MAFG: variants seen among roughly 807,000 people sequenced by gnomAD.
MAFG encodes MAF bZIP transcription factor G, also known as transcription factor MafG.
MAFG carries 3 observed loss-of-function variants against 12.2 expected under a neutral mutation model. The observed-to-expected ratio is 0.25, with a 90% confidence interval of 0.11 to 0.64. The LOEUF (loss-of-function observed/expected upper bound fraction) is 0.64, where lower values mean the gene tolerates loss of function less well. MAFG is among the 30% of genes least tolerant of loss of function. The pLI, the probability that MAFG is intolerant of heterozygous loss-of-function variation, is 0.85. For synonymous variants in MAFG, 126 were observed against 109.1 expected, an observed-to-expected ratio of 1.15 and a Z score of -0.96; for missense variants, 153 against 235.5, an observed-to-expected ratio of 0.65 and a Z score of 2.29.
In MAFG at chr17:81,926,781, A is replaced by T. The variant is rs114739248; in HGVS notation, c.-30+747T>A. On this transcript the variant is annotated intron_variant, in intron 1 of 2. Coordinates refer to ENST00000357736, the MANE Select transcript of MAFG (RefSeq NM_002359.4). This position sits in a 1 kb window ranked among gnomAD's most constrained non-coding sequence, Gnocchi z 4.6. ...GCGAGCCACCCCCACTTCCTCTTCA[A>T]GCACCCCTGCCTTCAACTGGATCGC... Among the ~76,000 whole-genome samples the T allele has an allele frequency of 0.02, 2,968 of 152,028 alleles. 94 individuals carry two copies. Among genetic ancestry groups the T allele is most frequent in the African/African-American group, 0.068 (2,803 of 41,460 alleles).
chr17:81,919,613 T>C lies in MAFG; in HGVS notation c.*2992A>G, dbSNP rs1175147051. ...CGGACAAGTTTGAGAGACCTGGCCT[T>C]GGCCAAAGCCCTCGATTCGCTGTGT... On this transcript the variant is annotated 3_prime_UTR_variant, in exon 3 of 3. Coordinates refer to ENST00000357736, the MANE Select transcript of MAFG (RefSeq NM_002359.4). The C allele has an allele frequency of 6.6e-6, 1 of 152,276 alleles. No homozygotes were observed. The highest frequency in any genetic ancestry group is 1.5e-5 in the Non-Finnish European group (1 of 68,064). 9.4% of individuals were successfully genotyped at this position (152,276 alleles called of 1,614,324 possible).
In MAFG at chr17:81,922,692, G is replaced by A. The variant is rs903135890; in HGVS notation, c.402C>T (p.Ala134=). The change falls in exon 3 of 3, where the codon GCC becomes GCT. Residue 134 remains alanine (A), a synonymous_variant. Coordinates refer to ENST00000357736, the MANE Select transcript of MAFG (RefSeq NM_002359.4). Reference sequence around the variant, plus strand: ...CTGGGACGAGGGGCCCCAGGCCGGCGGCAAGGGGGCCCCGGGCTGGCGCCA... The same window carrying A: ...CTGGGACGAGGGGCCCCAGGCCGGCAGCAAGGGGGCCCCGGGCTGGCGCCA... ...SPVAPARGPL[A]AGLGPLVPGK... is the part of the protein sequence containing the mutation. 5.3e-6 allele frequency: 8 copies of A among 1,509,336 alleles called. No homozygotes were observed. Among genetic ancestry groups the A allele is most frequent in the East Asian group, 4.7e-5 (2 of 42,548 alleles). 93.5% of individuals were successfully genotyped at this position (1,509,336 alleles called of 1,614,324 possible). A position where few individuals can be genotyped will look rare whatever the true frequency, so the allele number is the denominator to read the frequency against.
In MAFG at chr17:81,924,254, T is replaced by C. The variant is rs186011330; in HGVS notation, c.-29-1040A>G. Reference sequence around the variant, plus strand: ...GGCCAGGGAGCAAAAACAAAAGTGCTGGGGTGGCCGGACTTAACAACCAAC... The same window carrying C: ...GGCCAGGGAGCAAAAACAAAAGTGCCGGGGTGGCCGGACTTAACAACCAAC... On this transcript the variant is annotated intron_variant, in intron 1 of 2. Transcript: ENST00000357736. The surrounding 1 kb of genome is among the most constrained non-coding windows in gnomAD (Gnocchi z 4.7). 9.2e-5 allele frequency: 14 copies of C among 152,388 alleles called. No individual in the cohort carries two copies. Among genetic ancestry groups the C allele is most frequent in the Admixed American group, 7.8e-4 (12 of 15,306 alleles). The allele number at this position is 152,388 out of a possible 1,614,324, so 9.4% of individuals were successfully genotyped here.
chr17:81,929,884 C>T (rs2040971311), upstream of MAFG: 1 of 145,988 alleles, frequency 6.8e-6, no homozygotes, highest in African/African-American at 2.8e-5. The surrounding 1 kb of genome is among the most constrained non-coding windows in gnomAD (Gnocchi z 5.7). Context: ...GGGACTGGCC[C>T]CCGCAGGCAC....
At position 81,920,743 on chromosome 17, in the gene MAFG, A is replaced by C. The variant is rs2040880720; in HGVS notation, c.*1862T>G. On this transcript the variant is annotated 3_prime_UTR_variant, in exon 3 of 3. Transcript: ENST00000357736. Reference sequence around the variant, plus strand: ...GGCAGGCCCGAAGCCAAGAGCTGCCAGCGTGGACCAGCGGAGAAGAGGGAC... The same window carrying C: ...GGCAGGCCCGAAGCCAAGAGCTGCCCGCGTGGACCAGCGGAGAAGAGGGAC... 1 of 152,596 alleles carries C rather than the reference A, an allele frequency of 6.6e-6. No homozygotes were observed. Among genetic ancestry groups the C allele is most frequent in the Non-Finnish European group, 1.5e-5 (1 of 68,306 alleles). 9.5% of individuals were successfully genotyped at this position (152,596 alleles called of 1,614,324 possible). A position where few individuals can be genotyped will look rare whatever the true frequency, so the allele number is the denominator to read the frequency against.
Position 81,918,458 on chromosome 17 carries a change from G to T in MAFG, c.*4147C>A. ...AAGGCCACTGCCCTGCAAGAGGTCA[G>T]GCCCCTGCCCGCCCTACACGAAGTG... On this transcript the variant is annotated 3_prime_UTR_variant, in exon 3 of 3. Coordinates refer to ENST00000357736, the MANE Select transcript of MAFG (RefSeq NM_002359.4). 1 of 181,994 alleles carries T rather than the reference G, an allele frequency of 5.5e-6. No homozygotes were observed. The highest frequency in any genetic ancestry group is 1.2e-5 in the Non-Finnish European group (1 of 86,774). 11.3% of individuals were successfully genotyped at this position (181,994 alleles called of 1,614,324 possible).
chr17:81,929,883 C>T (rs1598349632), upstream of MAFG: 1 of 144,348 alleles, frequency 6.9e-6, no homozygotes, highest in African/African-American at 3.0e-5. This position sits in a 1 kb window ranked among gnomAD's most constrained non-coding sequence, Gnocchi z 5.7. Flanking sequence ...TGGGACTGGC[C>T]CCCGCAGGCA....
upstream of MAFG, chr17:81,927,754 C>G (rs1271875084): frequency 2.0e-5 from 3 of 152,240 alleles, no homozygotes; most frequent in African/African-American, 7.2e-5. Flanking sequence ...GTCACGTGGG[C>G]TCCATTCATG....
upstream of MAFG, chr17:81,930,773 T>C (rs1189118703): frequency 6.6e-6 from 1 of 152,234 alleles, no homozygotes; most frequent in Non-Finnish European, 1.5e-5. This position sits in a 1 kb window ranked among gnomAD's most constrained non-coding sequence, Gnocchi z 4.1. Context: ...AACCGCTTCA[T>C]TTTTGGAGGG....
At chr17:81,925,331 G>A (rs745765351) in intron 1 of MAFG, among the ~76,000 whole-genome samples, 6 of 152,224 alleles carry the variant, frequency 3.9e-5, no homozygotes, top group Admixed American at 6.5e-5. Flanking sequence ...TGGGAGCTCC[G>A]TCTCCTTTGG....
chr17:81,918,890 C>T lies in MAFG; in HGVS notation c.*3715G>A, dbSNP rs1005172379. 1.1e-4 allele frequency: 16 copies of T among 152,306 alleles called. No homozygotes were observed. Among genetic ancestry groups the T allele is most frequent in the African/African-American group, 3.9e-4 (16 of 41,426 alleles). The allele number at this position is 152,306 out of a possible 1,614,324, so 9.4% of individuals were successfully genotyped here. On this transcript the variant is annotated 3_prime_UTR_variant, in exon 3 of 3. Transcript: ENST00000357736. ...TATCGGGGACACACTCTAGCTCAGA[C>T]TCAAGGGACACCCATGGTATCAAAG...
Position 81,926,119 on chromosome 17 carries a change from G to A in MAFG, c.-30+1409C>T, listed in dbSNP as rs891811599. ...TCCTGGGCAAAGGAAGTCAACCTTC[G>A]TGAATCTCCACATACCCAAGGAAAG... is the stretch of plus-strand genomic sequence containing the variant. On this transcript the variant is annotated intron_variant, in intron 1 of 2. Transcript: ENST00000357736. The surrounding 1 kb of genome is among the most constrained non-coding windows in gnomAD (Gnocchi z 4.6). Among the ~76,000 whole-genome samples, 1 of 152,008 alleles carries A rather than the reference G, an allele frequency of 6.6e-6. No individual in the cohort carries two copies. Among genetic ancestry groups the A allele is most frequent in the Non-Finnish European group, 1.5e-5 (1 of 68,008 alleles).
In MAFG at chr17:81,925,536, C is replaced by T. The variant is rs541560224; in HGVS notation, c.-30+1992G>A. On this transcript the variant is annotated intron_variant, in intron 1 of 2. Transcript: ENST00000357736. Reference sequence around the variant, plus strand: ...AGAAGATGTACATAAATGGGCCGCGCGGTGGCTCACACCTGTAATCCCAAC... The same window carrying T: ...AGAAGATGTACATAAATGGGCCGCGTGGTGGCTCACACCTGTAATCCCAAC... 3.5e-4 allele frequency among the ~76,000 whole-genome samples: 53 copies of T among 152,288 alleles called. 1 individual carries two copies. Among genetic ancestry groups the T allele is most frequent in the African/African-American group, 1.2e-3 (49 of 41,554 alleles).
In MAFG at chr17:81,920,247, C is replaced by CT. The variant is rs1467013655; in HGVS notation, c.*2357_*2358insA. ...GCCAATATTTCCATTTTCAGGCTGA[C>CT]GCAGGTAGACACAGGACTTGTCTCT... On this transcript the variant is annotated 3_prime_UTR_variant, in exon 3 of 3. Transcript: ENST00000357736. The CT allele has an allele frequency of 1.3e-5, 2 of 152,184 alleles. No homozygotes were observed. The highest frequency in any genetic ancestry group is 2.9e-5 in the Non-Finnish European group (2 of 68,042). The allele number at this position is 152,184 out of a possible 1,614,324, so 9.4% of individuals were successfully genotyped here. A position where few individuals can be genotyped will look rare whatever the true frequency, so the allele number is the denominator to read the frequency against.
chr17:81,930,501 A>G (rs2040976762), upstream of MAFG: 3 of 125,844 alleles, frequency 2.4e-5, no homozygotes, highest in East Asian at 4.1e-4. This position sits in a 1 kb window ranked among gnomAD's most constrained non-coding sequence, Gnocchi z 4.1. Context: ...TCGCTACAAG[A>G]AAAAAAAAAA....
chr17:81,925,212 G>A (rs1291254382), intron 1 of MAFG, among the ~76,000 whole-genome samples: 1 of 152,218 alleles, frequency 6.6e-6, no homozygotes, highest in Admixed American at 6.5e-5. Context: ...TGCTCCCAGA[G>A]GCTAATAAGC....
At chr17:81,923,114 A>T in intron 2 of MAFG, 36 bp downstream of exon 2, 1 of 1,611,202 alleles carries the variant, frequency 6.2e-7, no homozygotes, top group African/African-American at 1.3e-5. Context: ...GTGCCCCCCG[A>T]CCCCAGCCCA....
At position 81,919,891 on chromosome 17, in the gene MAFG, C is replaced by T. The variant is rs945825574; in HGVS notation, c.*2714G>A. ...AAGCTCTTGAAAGGAGGTATGGCCT[C>T]GAAACTCCAGAAGCCTCTTCTGCCA... On this transcript the variant is annotated 3_prime_UTR_variant, in exon 3 of 3. Transcript: ENST00000357736. 1 of 152,216 alleles carries T rather than the reference C, an allele frequency of 6.6e-6. No homozygotes were observed. The allele number at this position is 152,216 out of a possible 1,614,324, so 9.4% of individuals were successfully genotyped here.
chr17:81,923,478 G>C (rs181171992), intron 1 of MAFG: 1 of 382,980 alleles, frequency 2.6e-6, no homozygotes, highest in Non-Finnish European at 4.7e-6. Flanking sequence ...AAGGCTGTTA[G>C]GAAGGCAGGC....
Sources: gnomAD v4.1 joint callset for allele counts (sites outside exome capture counted in the v4.1 genomes callset) on GRCh38, gnomAD v4.1.1 for gene constraint, Gnocchi (gnomAD v3.1) non-coding constraint, MANE v1.5 for transcripts, NCBI Gene and HGNC (gene_info 2026-07-23, HGNC 2026-07-21) for gene names.